The following SPAG16 variants were observed in gnomAD, a reference collection of about 807,000 sequenced individuals.
SPAG16 encodes the protein sperm associated antigen 16, also known as sperm-associated antigen 16 protein.
SPAG16 carries 86 observed loss-of-function variants against 80.4 expected under a neutral mutation model. That is an observed-to-expected ratio of 1.07 (90% CI 0.90 to 1.28). The LOEUF (loss-of-function observed/expected upper bound fraction) is 1.28, where lower values mean the gene tolerates loss of function less well. Ranked by LOEUF, SPAG16 falls within the 50% of genes most tolerant of loss-of-function variation. The pLI, the probability that SPAG16 is intolerant of heterozygous loss-of-function variation, is 0.00. For synonymous variants in SPAG16, 294 were observed against 265.9 expected, an observed-to-expected ratio of 1.11 and a Z score of -1.03; for missense variants, 870 against 765.3, an observed-to-expected ratio of 1.14 and a Z score of -1.61.
chr2:213,593,773 TTTTTTTTTTTTTTTTTTTTG>T, intron 10 of SPAG16, among the ~76,000 whole-genome samples: 1 of 95,116 alleles, frequency 1.1e-5, no homozygotes, highest in African/African-American at 5.6e-5. Context: ...TTTTTTTTTT[TTTTTTTTTTTTTTTTTTTTG>T]GGACGGAGTC....
chr2:214,164,919 GA>G (rs748934965), intron 15 of SPAG16, among the ~76,000 whole-genome samples: 1 of 152,046 alleles, frequency 6.6e-6, no homozygotes, highest in Non-Finnish European at 1.5e-5. Context: ...ATCATGTAAT[GA>G]AAAATTTTGT....
intron 7 of SPAG16, among the ~76,000 whole-genome samples, chr2:213,351,165 T>A (rs749858879): frequency 2.6e-5 from 4 of 152,010 alleles, no homozygotes; most frequent in Non-Finnish European, 5.9e-5. Context: ...AAATTAAATA[T>A]CATTTAATTG....
At chr2:213,559,877 T>C (rs2059548217) in intron 10 of SPAG16, among the ~76,000 whole-genome samples, 5 of 152,094 alleles carry the variant, frequency 3.3e-5, no homozygotes, top group Admixed American at 3.3e-4. Context: ...CAATCAATAT[T>C]TTAAACACGG....
intron 13 of SPAG16, among the ~76,000 whole-genome samples, chr2:214,068,752 T>C (rs974660386): frequency 6.6e-6 from 1 of 151,996 alleles, no homozygotes; most frequent in Admixed American, 6.6e-5. Context: ...CAGTAAAAAT[T>C]AGCTCCCAGA....
chr2:213,361,277 A>G (rs1018615273), intron 7 of SPAG16, among the ~76,000 whole-genome samples: 2 of 151,846 alleles, frequency 1.3e-5, no homozygotes, highest in Non-Finnish European at 2.9e-5. Context: ...GAAAAGGTGA[A>G]ATAGAATTGA....
intron 13 of SPAG16, among the ~76,000 whole-genome samples, chr2:214,044,643 G>T (rs1269661489): frequency 3.9e-5 from 6 of 152,180 alleles, no homozygotes; most frequent in Admixed American, 3.9e-4. Flanking sequence ...GGATAGAAAA[G>T]ACAGTCTTGA....
intron 10 of SPAG16, among the ~76,000 whole-genome samples, chr2:213,760,190 T>A (rs2068578540): frequency 6.6e-6 from 1 of 152,164 alleles, no homozygotes; most frequent in South Asian, 2.1e-4. Context: ...AGAGACTCAT[T>A]TTAGATCCAA....
intron 10 of SPAG16, among the ~76,000 whole-genome samples, chr2:213,746,656 A>C (rs1218725887): frequency 6.6e-6 from 1 of 152,042 alleles, no homozygotes; most frequent in Non-Finnish European, 1.5e-5. Flanking sequence ...AAAATACAAA[A>C]ATTAGCTGGG....
intron 15 of SPAG16, among the ~76,000 whole-genome samples, chr2:214,290,305 T>C (rs77948417): frequency 0.067 from 10,140 of 152,166 alleles, 368 homozygotes; most frequent in Middle Eastern, 0.11. Flanking sequence ...TTTTCTCTTC[T>C]TCACAGCAAT....
At chr2:213,694,042 CAAAA>C (rs68152101) in intron 10 of SPAG16, among the ~76,000 whole-genome samples, 5 of 121,368 alleles carry the variant, frequency 4.1e-5, no homozygotes, top group African/African-American at 1.3e-4. Context: ...TTATGCAAGA[CAAAA>C]AAAAAAAAGA....
At chr2:214,044,774 G>T (rs1453996855) in intron 13 of SPAG16, among the ~76,000 whole-genome samples, 1 of 152,212 alleles carries the variant, frequency 6.6e-6, no homozygotes, top group Non-Finnish European at 1.5e-5. Flanking sequence ...ACTCAGTGCT[G>T]CCCTGTCACA....
chr2:213,670,322 T>C (rs946170525), intron 10 of SPAG16, among the ~76,000 whole-genome samples: 1 of 152,142 alleles, frequency 6.6e-6, no homozygotes, highest in Non-Finnish European at 1.5e-5. Flanking sequence ...TTAAAATTGA[T>C]CTGCCAATGA....
At chr2:213,354,153 G>A (rs1038612991) in intron 7 of SPAG16, among the ~76,000 whole-genome samples, 3 of 152,166 alleles carry the variant, frequency 2.0e-5, no homozygotes, top group Non-Finnish European at 2.9e-5. Flanking sequence ...TTCTGTACCT[G>A]TGATAGTTTG....
At chr2:213,587,788 C>G (rs1024887195) in intron 10 of SPAG16, among the ~76,000 whole-genome samples, 21 of 151,906 alleles carry the variant, frequency 1.4e-4, no homozygotes, top group Non-Finnish European at 2.1e-4. Context: ...AGTTCACTCA[C>G]AAGTTCTACC....
At chr2:214,260,469 G>A (rs1037419260) in intron 15 of SPAG16, among the ~76,000 whole-genome samples, 1 of 151,894 alleles carries the variant, frequency 6.6e-6, no homozygotes, top group East Asian at 1.9e-4. Context: ...ATGCTACTGT[G>A]TTATAGATGC....
At chr2:213,556,312 C>CAAAA (rs35010847) in intron 10 of SPAG16, among the ~76,000 whole-genome samples, 60 of 112,818 alleles carry the variant, frequency 5.3e-4, no homozygotes, top group Middle Eastern at 5.5e-3. Context: ...AAAAAAAAAC[C>CAAAA]AAAAAAAAAA....
intron 10 of SPAG16, among the ~76,000 whole-genome samples, chr2:213,501,926 A>T (rs2074759963): frequency 6.6e-6 from 1 of 152,216 alleles, no homozygotes; most frequent in Non-Finnish European, 1.5e-5. Context: ...GAAAATTGTT[A>T]ATTAACAGAT....
intron 14 of SPAG16, among the ~76,000 whole-genome samples, chr2:214,138,890 C>T (rs1053636623): frequency 6.6e-6 from 1 of 152,064 alleles, no homozygotes; most frequent in Admixed American, 6.6e-5. Flanking sequence ...TATGAGGACA[C>T]CAGCTACAGT....
At chr2:213,443,128 A>C (rs1037576092) in intron 9 of SPAG16, among the ~76,000 whole-genome samples, 1 of 152,196 alleles carries the variant, frequency 6.6e-6, no homozygotes, top group Non-Finnish European at 1.5e-5. Flanking sequence ...AAAGAATTTT[A>C]ATCTGTCCAG....
Sources: gnomAD v4.1 joint callset for allele counts (sites outside exome capture counted in the v4.1 genomes callset) on GRCh38, gnomAD v4.1.1 for gene constraint, MANE v1.5 for transcripts, NCBI Gene and HGNC (gene_info 2026-07-23, HGNC 2026-07-21) for gene names.